The following SCML4 variants were observed in gnomAD, a reference collection of about 807,000 sequenced individuals.
SCML4 encodes Scm polycomb group protein like 4, also known as sex comb on midleg-like protein 4.
Under a neutral mutation model 41.1 loss-of-function variants are expected in SCML4, and 34 were observed. That is an observed-to-expected ratio of 0.83 (90% CI 0.63 to 1.10). SCML4 has a LOEUF of 1.10. Among genes scored for constraint, SCML4 ranks in the 50% least tolerant of loss-of-function variants. SCML4 has a pLI of 0.00. For synonymous variants in SCML4, 214 were observed against 220.9 expected (o/e 0.97, Z 0.28); for missense variants, 522 against 534.1 (o/e 0.98, Z 0.22).
At chr6:107,842,136 A>G in the SCML4 span, among the ~76,000 whole-genome samples, 1 of 152,166 alleles carries the variant, frequency 6.6e-6, no homozygotes, top group Non-Finnish European at 1.5e-5. Flanking sequence ...TTTTGTTCAC[A>G]GTATTTTTTT....
At chr6:107,802,580 G>GAGGGAGGACGGAAGGA (rs1783234092) in intron 1 of SCML4, among the ~76,000 whole-genome samples, 1 of 36,410 alleles carries the variant, frequency 2.7e-5, no homozygotes, top group African/African-American at 8.1e-5. Flanking sequence ...GGGAGGGAGG[G>GAGGGAGGACGGAAGGA]AGGAAGGAAG....
At chr6:107,768,339 A>G (rs1398304836) in intron 2 of SCML4, among the ~76,000 whole-genome samples, 2 of 152,198 alleles carry the variant, frequency 1.3e-5, no homozygotes, top group Non-Finnish European at 2.9e-5. Context: ...TCTTCTTTAA[A>G]GTCACTGTTA....
At chr6:107,769,102 C>G (rs1463704282) in intron 2 of SCML4, among the ~76,000 whole-genome samples, 1 of 152,220 alleles carries the variant, frequency 6.6e-6, no homozygotes, top group Non-Finnish European at 1.5e-5. Context: ...ATGAACAAGG[C>G]TATCTTCATG....
Position 107,766,951 on chromosome 6 carries a change from T to TTC in SCML4, c.156+5220_156+5221insGA, listed in dbSNP as rs1284085671. On this transcript the variant is annotated intron_variant, in intron 2 of 7. Transcript: ENST00000369020. ...CTTCCCATCTGTACTATTAAGCTATTTTTTTTTTTTTTTTTTTTGAGACAG... is the reference window on the plus strand; with the variant it reads ...CTTCCCATCTGTACTATTAAGCTATTTCTTTTTTTTTTTTTTTTTTGAGACAG... Among the ~76,000 whole-genome samples the TTC allele has an allele frequency of 4.1e-5, 3 of 73,342 alleles. No homozygotes were observed. In the African/African-American group the frequency reaches 6.5e-4, roughly 16 times the overall value. The allele number at this position is 73,342 out of a possible 152,430, so 48.1% of individuals were successfully genotyped here. A position where few individuals can be genotyped will look rare whatever the true frequency, so the allele number is the denominator to read the frequency against.
intron 5 of SCML4, among the ~76,000 whole-genome samples, chr6:107,729,302 C>G (rs368046631): frequency 1.4e-4 from 21 of 152,184 alleles, no homozygotes; most frequent in African/African-American, 5.1e-4. Flanking sequence ...TCTAGCATCC[C>G]CTGGTGGCCA....
intron 1 of SCML4, among the ~76,000 whole-genome samples, chr6:107,785,343 C>T (rs994205099): frequency 5.9e-5 from 9 of 152,286 alleles, no homozygotes; most frequent in African/African-American, 1.9e-4. Flanking sequence ...GACTGCGATC[C>T]GAGTGCTGTT....
At chr6:107,822,503 C>CT (rs1426358206) in intron 1 of SCML4, among the ~76,000 whole-genome samples, 1 of 41,580 alleles carries the variant, frequency 2.4e-5, no homozygotes. Flanking sequence ...TTCTTTTTTT[C>CT]TTTTCTTTTT....
rs748239424 is a variant in SCML4, at chr6:107,745,028, G to T, written c.603C>A (p.Leu201=). The part of the protein sequence containing the change: ...KLCRSLLCDD[L]FSHQPFPRGC... Reference sequence around the variant, plus strand: ...CCCTGGGGAAGGGCTGGTGGCTGAAGAGGTCATCGCACAGGAGGCTTCGGC... The same window carrying T: ...CCCTGGGGAAGGGCTGGTGGCTGAATAGGTCATCGCACAGGAGGCTTCGGC... Residue 201 remains leucine, a synonymous_variant, in exon 5 of 8, where the codon CTC becomes CTA. Transcript: ENST00000369020. 1.2e-6 allele frequency: 2 copies of T among 1,614,166 alleles called. No individual in the cohort carries two copies. The highest frequency in any genetic ancestry group is 1.1e-5 in the South Asian group (1 of 91,080).
intron 1 of SCML4, among the ~76,000 whole-genome samples, chr6:107,819,823 G>T (rs1244359349): frequency 6.6e-6 from 1 of 152,200 alleles, no homozygotes; most frequent in Non-Finnish European, 1.5e-5. Flanking sequence ...GTCACCCCGG[G>T]AAATATGCAA....
At position 107,705,228 on chromosome 6, in the gene SCML4, A is replaced by G. The variant is rs1184212442; in HGVS notation, c.1217T>C (p.Ile406Thr). Reference protein sequence around the residue: ...LGPALKLCYHIDKLKQAKF With the variant: ...LGPALKLCYHTDKLKQAKF ...GAACTTGGCTTGCTTCAGTTTGTCAATGTGGTAGCAGAGTTTCAGTGCAGG... is the reference window on the plus strand; with the variant it reads ...GAACTTGGCTTGCTTCAGTTTGTCAGTGTGGTAGCAGAGTTTCAGTGCAGG... The change falls in exon 8 of 8, where the codon ATT (isoleucine) becomes ACT (threonine). Residue 406 changes from isoleucine to threonine, a missense_variant. Ile to Thr is a moderately conservative substitution (Grantham distance 89). Transcript: ENST00000369020. 7.7e-6 allele frequency: 12 copies of G among 1,551,590 alleles called. No individual in the cohort carries two copies. Among genetic ancestry groups the G allele is most frequent in the Non-Finnish European group, 1.0e-5 (12 of 1,146,984 alleles).
chr6:107,769,825 A>G (rs1202106543), intron 2 of SCML4, among the ~76,000 whole-genome samples: 2 of 152,090 alleles, frequency 1.3e-5, no homozygotes, highest in African/African-American at 4.8e-5. Flanking sequence ...TCCCCTCCAA[A>G]TCTAAGGCTA....
chr6:107,738,313 G>GGTGGA (rs1777267001), intron 5 of SCML4, among the ~76,000 whole-genome samples: 1 of 152,114 alleles, frequency 6.6e-6, no homozygotes, highest in African/African-American at 2.4e-5. Flanking sequence ...AGGCAGCAGG[G>GGTGGA]AAGCCTGAAG....
intron 1 of SCML4, among the ~76,000 whole-genome samples, chr6:107,806,479 T>C (rs1783739626): frequency 6.6e-6 from 1 of 152,210 alleles, no homozygotes; most frequent in Non-Finnish European, 1.5e-5. Context: ...CGGTTTCTAC[T>C]TCTCCACTGA....
chr6:107,722,337 G>A (rs1050846354), intron 5 of SCML4, among the ~76,000 whole-genome samples: 3 of 151,618 alleles, frequency 2.0e-5, no homozygotes, highest in Middle Eastern at 3.2e-3. Flanking sequence ...TTTTTTGTTT[G>A]TTTTATTATT....
chr6:107,748,993 G>T (rs1778375041), intron 3 of SCML4, among the ~76,000 whole-genome samples: 1 of 152,186 alleles, frequency 6.6e-6, no homozygotes, highest in Non-Finnish European at 1.5e-5. Context: ...ACAGGGTGGA[G>T]CCTGCAGGGC....
chr6:107,773,070 T>C (rs184596379), intron 1 of SCML4, among the ~76,000 whole-genome samples: 1 of 152,274 alleles, frequency 6.6e-6, no homozygotes, highest in Admixed American at 6.5e-5. Flanking sequence ...TAAAAGCCTT[T>C]AATGACACTT....
chr6:107,748,293 G>C (rs1414784443), intron 3 of SCML4, among the ~76,000 whole-genome samples: 3 of 152,168 alleles, frequency 2.0e-5, no homozygotes, highest in African/African-American at 7.2e-5. Context: ...TCTTACCTTA[G>C]AGGCCACTGG....
upstream of SCML4, among the ~76,000 whole-genome samples, chr6:107,828,670 C>T (rs1042117917): frequency 6.6e-6 from 1 of 152,188 alleles, no homozygotes; most frequent in Admixed American, 6.5e-5. Context: ...AGCTTCCCTT[C>T]CACATCATTC....
chr6:107,841,156 T>TA, the SCML4 span, among the ~76,000 whole-genome samples: 557 of 149,024 alleles, frequency 3.7e-3, 6 homozygotes, highest in East Asian at 0.014. Flanking sequence ...TATAAACTGC[T>TA]AAAAAAAAAA....
Sources: gnomAD v4.1 joint callset for allele counts (sites outside exome capture counted in the v4.1 genomes callset) on GRCh38, gnomAD v4.1.1 for gene constraint, MANE v1.5 for transcripts, NCBI Gene and HGNC (gene_info 2026-07-23, HGNC 2026-07-21) for gene names.